GAA: variants seen among roughly 807,000 people sequenced by gnomAD.
The protein encoded by GAA is alpha glucosidase.
GAA carries 88 observed loss-of-function variants against 103.9 expected under a neutral mutation model. The observed-to-expected ratio is 0.85, with a 90% CI of 0.71 to 1.01. The LOEUF (loss-of-function observed/expected upper bound fraction) is 1.01, where lower values mean the gene tolerates loss of function less well. Ranked by LOEUF, GAA falls within the 50% of genes least tolerant of loss-of-function variation. The pLI, the probability that GAA is intolerant of heterozygous loss-of-function variation, is 0.00. For synonymous variants in GAA, 572 were observed against 563.1 expected (o/e 1.02, Z -0.22); for missense variants, 1,350 against 1,305.3 (o/e 1.03, Z -0.53).
rs1429277920 is a variant in GAA, at chr17:80,117,013, G to C, written c.2235G>C (p.Leu745=). ...CCTGGACTGTGGACCACCAGCTCCT[G>C]TGGGGGGAGGCCCTGCTCATCACCC... The part of the protein sequence containing the change: ...SSTWTVDHQL[L]WGEALLITPV... Residue 745 remains leucine, a synonymous_variant, in exon 16 of 20, where the codon CTG becomes CTC. Transcript: ENST00000302262. 6.2e-7 allele frequency: 1 copy of C among 1,613,596 alleles called. No homozygotes were observed. The highest frequency in any genetic ancestry group is 1.7e-5 in the Admixed American group (1 of 60,012).
rs1209887739 is a variant in GAA, at chr17:80,113,367, G to A, written c.2189+1G>A. ...CCGTGGCCCGGCCCCTCTTCCTGGAGTGAGTGACCTAGGCAGGGGCGGTGG... is the reference window on the plus strand; with the variant it reads ...CCGTGGCCCGGCCCCTCTTCCTGGAATGAGTGACCTAGGCAGGGGCGGTGG... On this transcript the variant is annotated splice_donor_variant, in intron 15 of 19. Transcript: ENST00000302262. LOFTEE classifies it high-confidence loss of function. The A allele has an allele frequency of 6.4e-7, 1 of 1,573,496 alleles. No homozygotes were observed. Among genetic ancestry groups the A allele is most frequent in the Non-Finnish European group, 8.6e-7 (1 of 1,157,534 alleles).
Position 80,107,205 on chromosome 17 carries a change from T to C in GAA, c.693-352T>C, listed in dbSNP as rs541161054. Among the ~76,000 whole-genome samples the C allele has an allele frequency of 2.0e-5, 3 of 152,278 alleles. No homozygotes were observed. In the East Asian group the frequency reaches 5.8e-4, roughly 29 times the overall value. On this transcript the variant is annotated intron_variant, in intron 3 of 19. Coordinates refer to ENST00000302262, the MANE Select transcript of GAA (RefSeq NM_000152.5). ...CACAAGCTCCTAGGCCTGGAAAGGT[T>C]CTGTTCAGCCCCTGCCCAGCCTTGC...
At chr17:80,115,788 T>C (rs2039343315) in intron 15 of GAA, among the ~76,000 whole-genome samples, 1 of 152,200 alleles carries the variant, frequency 6.6e-6, no homozygotes, top group Non-Finnish European at 1.5e-5. Context: ...TGTTCTTCAT[T>C]GTGTGTGGCC....
intron 16 of GAA, among the ~76,000 whole-genome samples, 189 bp from the exon 17 acceptor site, chr17:80,117,411 A>C (rs573622449): frequency 6.6e-6 from 1 of 151,892 alleles, no homozygotes; most frequent in Non-Finnish European, 1.5e-5. Context: ...CACTGTCCCC[A>C]CTCAGTAGCC....
At position 80,117,693 on chromosome 17, in the gene GAA, G is replaced by A; in HGVS notation, c.2425G>A (p.Ala809Thr). 1 of 1,612,382 alleles carries A rather than the reference G, an allele frequency of 6.2e-7. No individual in the cohort carries two copies. Among genetic ancestry groups the A allele is most frequent in the Non-Finnish European group, 8.5e-7 (1 of 1,179,844 alleles). ...HSEGQWVTLP[A>T]PLDTINVHLR... The stretch of plus-strand genomic sequence containing the variant: ...CGAGGGGCAGTGGGTGACGCTGCCG[G>A]CCCCCCTGGACACCATCAACGTCCA... Residue 809 changes from alanine (A) to threonine (T), a missense_variant, in exon 17 of 20, where the codon GCC becomes ACC. Coordinates refer to ENST00000302262, the MANE Select transcript of GAA (RefSeq NM_000152.5).
chr17:80,109,799 G>A, intron 8 of GAA, 146 bp from the exon 9 acceptor site: 1 of 626,142 alleles, frequency 1.6e-6, no homozygotes. Flanking sequence ...GCAGGCGTGT[G>A]CAGGCATGTG....
In GAA at chr17:80,110,677, C is replaced by G. The variant is rs1349166577; in HGVS notation, c.1438-50C>G. 3 of 1,519,204 alleles carry G rather than the reference C, an allele frequency of 2.0e-6. No individual in the cohort carries two copies. In the South Asian group the frequency reaches 3.4e-5, roughly 17 times the overall value. The allele number at this position is 1,519,204 out of a possible 1,614,324, so 94.1% of individuals were successfully genotyped here. On this transcript the variant is annotated intron_variant, in intron 9 of 19. Transcript: ENST00000302262. The stretch of plus-strand genomic sequence containing the variant: ...GCTGAGGCTCAGTGGGGCTTCCATG[C>G]AGGCCCTGGGTGGGGCCGGGTCTCC...
intron 16 of GAA, 61 bp downstream of exon 16, chr17:80,117,170 C>G: frequency 6.4e-7 from 1 of 1,557,278 alleles, no homozygotes; most frequent in South Asian, 1.1e-5. Context: ...TCCCACCTGC[C>G]CCCTCCACCC....
rs1598581379 is a variant in GAA, at chr17:80,110,714, T to C, written c.1438-13T>C. On this transcript the variant is annotated splice_polypyrimidine_tract_variant and intron_variant, in intron 9 of 19. Transcript: ENST00000302262. ...GGGGCCGGGTCTCCCCACTGCAGCC[T>C]CTCGTTGTCCAGGTATGGCCCGGGT... 1 of 1,612,712 alleles carries C rather than the reference T, an allele frequency of 6.2e-7. No individual in the cohort carries two copies. The highest frequency in any genetic ancestry group is 1.7e-4 in the Middle Eastern group (1 of 5,816).
At position 80,112,928 on chromosome 17, in the gene GAA, C is replaced by A. The variant is rs776948121; in HGVS notation, c.1941C>A (p.Cys647Ter). Residue 647 changes from cysteine to a stop codon, truncating the protein, a stop_gained, in exon 14 of 20, where the codon TGC (cysteine) becomes TGA (stop). Transcript: ENST00000302262. LOFTEE classifies it high-confidence loss of function. ...LGVPLVGADVCGFLGNTSEEL... is the reference protein window; with the variant it reads ...LGVPLVGADV ...TGCCTCTGGTCGGGGCCGACGTCTG[C>A]GGCTTCCTGGGCAACACCTCAGAGG... 2 of 1,610,456 alleles carry A rather than the reference C, an allele frequency of 1.2e-6. No homozygotes were observed. Among genetic ancestry groups the A allele is most frequent in the Non-Finnish European group, 1.7e-6 (2 of 1,178,844 alleles).
rs755253527 is a variant in GAA at position 80,108,495 on chromosome 17, C to G, written c.1082C>G (p.Pro361Arg). 6.2e-7 allele frequency: 1 copy of G among 1,613,080 alleles called. No individual in the cohort carries two copies. The highest frequency in any genetic ancestry group is 8.5e-7 in the Non-Finnish European group (1 of 1,179,974). ...AGTCGGCGTTGGCCTGCAGGATACC[C>G]GTTCATGCCGCCATACTGGGGCCTG... is the stretch of plus-strand genomic sequence containing the variant. The part of the protein sequence containing the change: ...VQQYLDVVGY[P>R]FMPPYWGLGF... The change falls in exon 7 of 20, where the codon CCG becomes CGG. Residue 361 changes from proline to arginine, a missense_variant. By Grantham distance (103) the Pro-to-Arg change is moderately radical. Coordinates refer to ENST00000302262, the MANE Select transcript of GAA (RefSeq NM_000152.5).
Position 80,112,621 on chromosome 17 carries a change from C to T in GAA, c.1798C>T (p.Arg600Cys), listed in dbSNP as rs764670084. ...GGGGACACGCCCATTTGTGATCTCC[C>T]GCTCGACCTTTGCTGGCCACGGCCG... ...ARGTRPFVISRSTFAGHGRYA... is the reference protein window; with the variant it reads ...ARGTRPFVISCSTFAGHGRYA... Residue 600 changes from arginine to cysteine, a missense_variant, in exon 13 of 20, where the codon CGC becomes TGC. By Grantham distance (180) the Arg-to-Cys change is radical. Coordinates refer to ENST00000302262, the MANE Select transcript of GAA (RefSeq NM_000152.5). 39 of 1,612,874 alleles carry T rather than the reference C, an allele frequency of 2.4e-5. No homozygotes were observed. Among genetic ancestry groups the T allele is most frequent in the East Asian group, 1.3e-4 (6 of 44,882 alleles).
chr17:80,108,979 C>T, intron 8 of GAA, 151 bp downstream of exon 8: 3 of 1,095,208 alleles, frequency 2.7e-6, no homozygotes, highest in Non-Finnish European at 3.8e-6. Context: ...AAGAAGTTTG[C>T]AGGCTTGGCC....
chr17:80,112,650 C>A lies in GAA; in HGVS notation c.1827C>A (p.Tyr609Ter). ...CGACCTTTGCTGGCCACGGCCGATA[C>A]GCCGGCCACTGGACGGGGGACGTGT... The part of the protein sequence containing the change: ...SRSTFAGHGR[Y>*]AGHWTGDVWS... The change falls in exon 13 of 20, where the codon TAC (tyrosine) becomes TAA (stop). Residue 609 changes from tyrosine to a stop codon, truncating the protein, a stop_gained. Coordinates refer to ENST00000302262, the MANE Select transcript of GAA (RefSeq NM_000152.5). LOFTEE classifies it high-confidence loss of function. 6.2e-7 allele frequency: 1 copy of A among 1,612,546 alleles called. No individual in the cohort carries two copies. Among genetic ancestry groups the A allele is most frequent in the Non-Finnish European group, 8.5e-7 (1 of 1,179,760 alleles).
At position 80,118,668 on chromosome 17, in the gene GAA, G is replaced by T. The variant is rs765718882; in HGVS notation, c.2662G>T (p.Glu888Ter). The T allele has an allele frequency of 6.2e-6, 10 of 1,612,542 alleles. No homozygotes were observed. In the East Asian group the frequency reaches 1.3e-4, roughly 22 times the overall value. Residue 888 changes from glutamate to a stop codon, truncating the protein, a stop_gained, in exon 19 of 20, where the codon GAG (glutamate) becomes TAG (stop). Coordinates refer to ENST00000302262, the MANE Select transcript of GAA (RefSeq NM_000152.5). LOFTEE classifies it high-confidence loss of function. ...CTCGGCCCAGAACACGATCGTGAAT[G>T]AGCTGGTACGTGTGACCAGTGAGGG... ...FLARNNTIVN[E>*]LVRVTSEGAG...
intron 9 of GAA, among the ~76,000 whole-genome samples, 171 bp downstream of exon 9, chr17:80,110,226 G>C: frequency 6.6e-6 from 1 of 152,264 alleles, no homozygotes; most frequent in East Asian, 1.9e-4. Flanking sequence ...ACAAGGAATG[G>C]CCCCGTGAGT....
chr17:80,112,128 C>T, intron 12 of GAA, 28 bp downstream of exon 12: 2 of 1,591,232 alleles, frequency 1.3e-6, no homozygotes, highest in Non-Finnish European at 1.7e-6. Flanking sequence ...CCCCACTGGG[C>T]TCTGCCCTCA....
In GAA at chr17:80,112,948, CAGA is replaced by C. The variant is rs1030961946; in HGVS notation, c.1962_1964del (p.Glu656del). ...GTCTGCGGCTTCCTGGGCAACACCTCAGAGGAGCTGTGTGTGCGCTGGACCCAG... is the reference window on the plus strand; with the variant it reads ...GTCTGCGGCTTCCTGGGCAACACCTCGGAGCTGTGTGTGCGCTGGACCCAG... On this transcript the variant is annotated inframe_deletion, in exon 14 of 20. Coordinates refer to ENST00000302262, the MANE Select transcript of GAA (RefSeq NM_000152.5). The C allele has an allele frequency of 2.5e-6, 4 of 1,610,556 alleles. No homozygotes were observed. In the African/African-American group the frequency reaches 4.0e-5, roughly 16 times the overall value.
Position 80,117,763 on chromosome 17 carries a change from G to A in GAA, c.2481+14G>A, listed in dbSNP as rs749667983. 5.5e-5 allele frequency: 88 copies of A among 1,601,992 alleles called. No homozygotes were observed. The East Asian group carries it at 1.9e-3, about 35-fold the overall frequency. On this transcript the variant is annotated intron_variant, in intron 17 of 19. Transcript: ENST00000302262. ...ATCCCCCTGCAGGTACCTGGGCCAG[G>A]CGGCTATGGTGGGGGTGTGGACAGC...
Sources: gnomAD v4.1 joint callset for allele counts (sites outside exome capture counted in the v4.1 genomes callset) on GRCh38, gnomAD v4.1.1 for gene constraint, MANE v1.5 for transcripts, NCBI Gene and HGNC (gene_info 2026-07-23, HGNC 2026-07-21) for gene names.